The following KLRG1 variants were observed in gnomAD, a reference collection of about 807,000 sequenced individuals.
KLRG1 encodes the protein killer cell lectin like receptor G1.
In KLRG1, 16 loss-of-function variants were observed where a neutral mutation model predicts 21.8. The ratio of observed to expected loss-of-function variants is 0.73; its 90% CI spans 0.50 to 1.11. KLRG1 has a LOEUF of 1.11. Among genes scored for constraint, KLRG1 ranks in the 50% most tolerant of loss-of-function variants. KLRG1 has a pLI of 0.00. For missense variants in KLRG1, 173 were observed against 218.3 expected (o/e 0.79, Z 1.31); for synonymous variants, 69 against 75.9 (o/e 0.91, Z 0.47).
the KLRG1 span, among the ~76,000 whole-genome samples, chr12:9,026,096 C>T: frequency 1.3e-5 from 2 of 151,980 alleles, no homozygotes; most frequent in African/African-American, 4.8e-5. Context: ...TGGGATTTGT[C>T]ATAATAACAG....
chr12:8,962,813 G>A (rs541894713), intron 1 of KLRG1, among the ~76,000 whole-genome samples: 19 of 151,716 alleles, frequency 1.3e-4, no homozygotes, highest in Non-Finnish European at 2.4e-4. Flanking sequence ...ACCCTGAAAA[G>A]ATCAGAGCTT....
chr12:8,965,761 C>T lies in KLRG1; in HGVS notation c.-156+15525C>T, dbSNP rs1946460043. 3.3e-5 allele frequency among the ~76,000 whole-genome samples: 5 copies of T among 152,286 alleles called. No individual in the cohort carries two copies. In the South Asian group the frequency reaches 1.0e-3, roughly 32 times the overall value. ...CAATATCGTGAAAATGGCCATACTGCCCAAGGTAATTTATAGATTCAATGC... is the reference window on the plus strand; with the variant it reads ...CAATATCGTGAAAATGGCCATACTGTCCAAGGTAATTTATAGATTCAATGC... On this transcript the variant is annotated intron_variant, in intron 1 of 4. Coordinates refer to the KLRG1 transcript ENST00000539240.
chr12:9,192,395 G>A, the KLRG1 span: 14 of 1,267,286 alleles, frequency 1.1e-5, no homozygotes, highest in East Asian at 2.4e-5. Context: ...AATGAAGGAC[G>A]CACAACAAGA....
At chr12:9,100,212 A>G in the KLRG1 span, among the ~76,000 whole-genome samples, 188 of 152,322 alleles carry the variant, frequency 1.2e-3, no homozygotes, top group South Asian at 0.038. Context: ...TTGAAAGGGA[A>G]AAAAGATATT....
the KLRG1 span, chr12:9,161,048 A>C: frequency 2.5e-6 from 4 of 1,593,550 alleles, no homozygotes; most frequent in Non-Finnish European, 3.4e-6. Flanking sequence ...ACTGAGAAAG[A>C]AGCTCTGGCA....
the KLRG1 span, among the ~76,000 whole-genome samples, chr12:9,145,273 G>A: frequency 2.6e-5 from 4 of 152,088 alleles, no homozygotes; most frequent in Non-Finnish European, 4.4e-5. Flanking sequence ...TGTCTTCCTT[G>A]TGTTTTATTG....
the KLRG1 span, among the ~76,000 whole-genome samples, chr12:9,105,573 A>T: frequency 6.3e-4 from 96 of 152,210 alleles, 1 homozygote; most frequent in Admixed American, 3.9e-4. Flanking sequence ...GTGATCTCAG[A>T]CTTCTAGAGT....
At chr12:8,974,590 A>C (rs187296423) in intron 1 of KLRG1, among the ~76,000 whole-genome samples, 32 of 152,246 alleles carry the variant, frequency 2.1e-4, no homozygotes, top group Middle Eastern at 3.4e-3. Context: ...ATGAATGTCA[A>C]ATTTTGCTAC....
At position 9,009,996 on chromosome 12, in the gene KLRG1, C is replaced by T. The variant is rs1229017679; in HGVS notation, c.*459C>T. 4 of 1,534,234 alleles carry T rather than the reference C, an allele frequency of 2.6e-6. No homozygotes were observed. The highest frequency in any genetic ancestry group is 3.5e-6 in the Non-Finnish European group (4 of 1,145,830). ...CCCTGATGGTATATTTCTATCCTAA[C>T]AGTGTCCCTTTGCAGATCAAGCTTT... On this transcript the variant is annotated 3_prime_UTR_variant, in exon 5 of 5. Coordinates refer to ENST00000356986, the MANE Select transcript of KLRG1 (RefSeq NM_005810.4).
At chr12:9,158,726 A>G in the KLRG1 span, 1 of 642,596 alleles carries the variant, frequency 1.6e-6, no homozygotes, top group Non-Finnish European at 2.4e-6. Context: ...TTTTTAGCTT[A>G]GACATCTCTT....
the KLRG1 span, chr12:9,112,285 G>T: frequency 6.2e-7 from 1 of 1,605,772 alleles, no homozygotes; most frequent in South Asian, 1.1e-5. Flanking sequence ...AGCTATTAAG[G>T]AACCAAGATT....
the KLRG1 span, among the ~76,000 whole-genome samples, chr12:9,092,075 C>G: frequency 6.6e-6 from 1 of 152,170 alleles, no homozygotes. Flanking sequence ...TTATCAGTTG[C>G]TGACTGAGTG....
At chr12:9,077,970 T>TA in the KLRG1 span, 4 of 1,238,044 alleles carry the variant, frequency 3.2e-6, no homozygotes, top group Admixed American at 6.1e-5. Flanking sequence ...CTTGTGTACT[T>TA]AGAGAGCTTA....
chr12:9,110,280 T>G, the KLRG1 span: 4 of 1,441,626 alleles, frequency 2.8e-6, no homozygotes, highest in Non-Finnish European at 3.8e-6. Flanking sequence ...ATGTATTGCT[T>G]TCCTTTTAAT....
the KLRG1 span, among the ~76,000 whole-genome samples, chr12:9,045,768 T>C: frequency 6.6e-6 from 1 of 152,212 alleles, no homozygotes; most frequent in East Asian, 1.9e-4. Flanking sequence ...CTATTCACAA[T>C]AGCAAAGACA....
chr12:9,104,738 A>G, the KLRG1 span, among the ~76,000 whole-genome samples: 1 of 152,238 alleles, frequency 6.6e-6, no homozygotes, highest in African/African-American at 2.4e-5. Context: ...GCTGTGTATT[A>G]TTATATATAA....
At chr12:9,148,752 A>G in the KLRG1 span, 1 of 494,546 alleles carries the variant, frequency 2.0e-6, no homozygotes, top group Non-Finnish European at 3.5e-6. Flanking sequence ...TTAGAATCCA[A>G]CCTTTGCACC....
At chr12:9,113,521 A>C in the KLRG1 span, 1 of 1,613,872 alleles carries the variant, frequency 6.2e-7, no homozygotes, top group Admixed American at 1.7e-5. Context: ...TGGAGCAGGG[A>C]GGGGACCAGA....
chr12:9,074,473 T>A, the KLRG1 span: 30 of 1,292,244 alleles, frequency 2.3e-5, no homozygotes, highest in African/African-American at 4.5e-5. Flanking sequence ...CATCTGTATT[T>A]TTTTCTTCTT....
Sources: gnomAD v4.1 joint callset for allele counts (sites outside exome capture counted in the v4.1 genomes callset) on GRCh38, gnomAD v4.1.1 for gene constraint, MANE v1.5 for transcripts, NCBI Gene and HGNC (gene_info 2026-07-23, HGNC 2026-07-21) for gene names.